Variants in WRN observed in about 807,000 individuals in gnomAD.
The protein encoded by WRN is WRN RecQ like helicase, also known as bifunctional 3'-5' exonuclease/ATP-dependent helicase WRN.
In WRN, 149 loss-of-function variants were observed where a neutral mutation model predicts 180.7. The observed-to-expected ratio is 0.82, with a 90% CI of 0.72 to 0.94. WRN has a LOEUF of 0.94. Among genes scored for constraint, WRN ranks in the 40% least tolerant of loss-of-function variants. The probability of loss-of-function intolerance (pLI) is 0.00; values close to 1 mark genes in which losing one functional copy is unlikely to be tolerated. For synonymous variants in WRN, 548 were observed against 568.9 expected (o/e 0.96, Z 0.52); for missense variants, 1,661 against 1,700.1 (o/e 0.98, Z 0.40).
intron 5 of WRN, among the ~76,000 whole-genome samples, chr8:31,065,521 AT>A (rs1375602239): frequency 1.3e-5 from 2 of 152,292 alleles, no homozygotes; most frequent in East Asian, 1.9e-4. Context: ...TTTGCTAAGG[AT>A]AATGGCCTCC....
intron 27 of WRN, among the ~76,000 whole-genome samples, chr8:31,143,055 A>T (rs200164152): frequency 7.9e-4 from 15 of 19,064 alleles, no homozygotes; most frequent in Admixed American, 3.2e-3. Context: ...ACACACACAC[A>T]TTCTCTCTCT....
chr8:31,066,387 C>T (rs767507782), intron 5 of WRN, among the ~76,000 whole-genome samples: 20 of 151,728 alleles, frequency 1.3e-4, no homozygotes, highest in African/African-American at 1.9e-4. Flanking sequence ...GAGGTTTCAC[C>T]GTGTTAGCCA....
chr8:31,142,742 A>G, intron 27 of WRN, 41 bp downstream of exon 27: 1 of 1,474,856 alleles, frequency 6.8e-7, no homozygotes. Flanking sequence ...TTCATTCTTT[A>G]TTGATTCAAA....
intron 7 of WRN, among the ~76,000 whole-genome samples, chr8:31,071,669 A>G (rs955657808): frequency 1.3e-5 from 2 of 151,954 alleles, no homozygotes; most frequent in Admixed American, 1.3e-4. Context: ...TTTAGTGGAG[A>G]TGTGGTTTCG....
At chr8:31,094,348 CTTT>C (rs780787702) in intron 16 of WRN, among the ~76,000 whole-genome samples, 9 of 140,238 alleles carry the variant, frequency 6.4e-5, no homozygotes, top group Non-Finnish European at 7.8e-5. Context: ...TCTTTTCTTT[CTTT>C]TTTTTTTTTT....
chr8:31,064,755 A>T (rs1382854593), intron 4 of WRN, among the ~76,000 whole-genome samples, 160 bp from the exon 5 acceptor site: 1 of 152,208 alleles, frequency 6.6e-6, no homozygotes, highest in African/African-American at 2.4e-5. Context: ...ATCAATCAGG[A>T]CTGTTTGCTT....
chr8:31,089,324 A>G (rs1813655132), intron 13 of WRN, among the ~76,000 whole-genome samples: 1 of 152,038 alleles, frequency 6.6e-6, no homozygotes, highest in Admixed American at 6.6e-5. Context: ...CAGATGTACT[A>G]GAAGTTCTTA....
chr8:31,066,962 C>G, intron 5 of WRN, 71 bp from the exon 6 acceptor site: 1 of 1,565,132 alleles, frequency 6.4e-7, no homozygotes, highest in Non-Finnish European at 8.8e-7. Context: ...GTGGTATGTT[C>G]ATTTGATATC....
chr8:31,155,622 CA>C (rs748568497), intron 32 of WRN, among the ~76,000 whole-genome samples: 2,391 of 98,292 alleles, frequency 0.024, 36 homozygotes, highest in African/African-American at 0.077. Flanking sequence ...ACTCGGTCTC[CA>C]AAAAAAAAAA....
intron 1 of WRN, among the ~76,000 whole-genome samples, chr8:31,044,342 C>CTTTTT (rs34518426): frequency 0.01 from 688 of 68,278 alleles, 40 homozygotes; most frequent in African/African-American, 0.024. Context: ...GCCCGACCTT[C>CTTTTT]TTTTTTTTTT....
chr8:31,125,974 ATATAT>A, intron 23 of WRN, among the ~76,000 whole-genome samples: 1 of 6,166 alleles, frequency 1.6e-4, no homozygotes, highest in East Asian at 2.9e-3. Context: ...CATCCTAAAT[ATATAT>A]ATATATATAT....
At chr8:31,132,222 A>T in intron 23 of WRN, 143 bp from the exon 24 acceptor site, 1 of 935,060 alleles carries the variant, frequency 1.1e-6, no homozygotes, top group Non-Finnish European at 1.6e-6. Flanking sequence ...ATACTCGGGT[A>T]TAATGAACTT....
chr8:31,112,012 A>G (rs1345166886), intron 19 of WRN, among the ~76,000 whole-genome samples: 1 of 152,116 alleles, frequency 6.6e-6, no homozygotes. Context: ...AATTCTCCTA[A>G]TATTTTAATA....
intron 30 of WRN, among the ~76,000 whole-genome samples, chr8:31,149,448 T>A: frequency 3.0e-5 from 4 of 132,840 alleles, no homozygotes; most frequent in Admixed American, 8.3e-5. Flanking sequence ...CATACTTTAA[T>A]AGAGGTGTTT....
intron 3 of WRN, among the ~76,000 whole-genome samples, chr8:31,061,458 T>C (rs956579800): frequency 6.6e-6 from 1 of 152,096 alleles, no homozygotes; most frequent in African/African-American, 2.4e-5. Context: ...CTAGGGTTTT[T>C]TTCTTTCTAT....
Position 31,140,003 on chromosome 8 carries a change from G to GTTTTTTTTTTTTTTTT in WRN, c.2968-1412_2968-1397dup, listed in dbSNP as rs71539917. 2.3e-4 allele frequency among the ~76,000 whole-genome samples: 14 copies of GTTTTTTTTTTTTTTTT among 62,086 alleles called. 2 individuals are homozygous for GTTTTTTTTTTTTTTTT. The highest frequency in any genetic ancestry group is 4.0e-4 in the Non-Finnish European group (14 of 34,588). 40.7% of individuals were successfully genotyped at this position (62,086 alleles called of 152,430 possible). Reference sequence around the variant, plus strand: ...AAGCTCTATGTTTGTATACTTCTTTGTTTTTTTTTTTTTTTTTTTTTTTTT... The same window carrying GTTTTTTTTTTTTTTTT: ...AAGCTCTATGTTTGTATACTTCTTTGTTTTTTTTTTTTTTTTTTTTTTTTTTTTTTTTTTTTTTTTT... On this transcript the variant is annotated intron_variant, in intron 24 of 34. Transcript: ENST00000298139.
At chr8:31,059,656 A>G (rs1220304044) in intron 3 of WRN, among the ~76,000 whole-genome samples, 1 of 152,186 alleles carries the variant, frequency 6.6e-6, no homozygotes, top group East Asian at 1.9e-4. Context: ...GCACCTTTAT[A>G]TTTCATTAAA....
At chr8:31,085,420 T>C (rs775454927) in intron 11 of WRN, among the ~76,000 whole-genome samples, 174 bp downstream of exon 11, 1 of 152,080 alleles carries the variant, frequency 6.6e-6, no homozygotes, top group Non-Finnish European at 1.5e-5. Flanking sequence ...CTATGAATAA[T>C]GGGTTAGAGG....
intron 1 of WRN, 116 bp from the exon 2 acceptor site, chr8:31,058,256 T>A: frequency 1.8e-6 from 1 of 567,282 alleles, no homozygotes; most frequent in Non-Finnish European, 3.1e-6. Context: ...CAGCATATTG[T>A]ATCTGTTTTG....
Sources: allele counts gnomAD v4.1 joint callset (sites outside exome capture counted in the v4.1 genomes callset), GRCh38; gene constraint gnomAD v4.1.1; transcripts MANE v1.5; gene names NCBI Gene and HGNC (gene_info 2026-07-23, HGNC 2026-07-21).